DIAPH2: variants seen among roughly 807,000 people sequenced by gnomAD.
DIAPH2 encodes the protein protein diaphanous homolog 2.
Under a neutral mutation model 92.7 loss-of-function variants are expected in DIAPH2, and 35 were observed. The observed-to-expected ratio is 0.38, with a 90% confidence interval of 0.29 to 0.50. The LOEUF (loss-of-function observed/expected upper bound fraction) is 0.50. Ranked by LOEUF, DIAPH2 falls within the 20% of genes least tolerant of loss-of-function variation. The pLI is 0.94. For missense variants in DIAPH2, 701 were observed against 819.5 expected (o/e 0.86, Z 1.77); for synonymous variants, 301 against 280.4 (o/e 1.07, Z -0.73).
intron 4 of DIAPH2, among the ~76,000 whole-genome samples, chrX:96,773,212 G>A (rs2064350334): frequency 9.3e-6 from 1 of 107,596 alleles, no homozygotes; most frequent in Admixed American, 1.0e-4. Context: ...AATGAGAAAA[G>A]CTATGTGTTA....
chrX:96,731,890 G>A (rs1252818468), intron 1 of DIAPH2, among the ~76,000 whole-genome samples: 1 of 111,549 alleles, frequency 9.0e-6, no homozygotes, highest in Admixed American at 9.5e-5. Context: ...ATATTTATTG[G>A]TACAATATGC....
chrX:97,543,972 C>T (rs1301756661), intron 26 of DIAPH2, among the ~76,000 whole-genome samples: 1 of 112,154 alleles, frequency 8.9e-6, no homozygotes, highest in Non-Finnish European at 1.9e-5. Flanking sequence ...ATTTCTCTAT[C>T]GCGCTCAGAT....
rs763576938 is a variant in DIAPH2, at chrX:97,247,804, G to C, written c.2809G>C (p.Glu937Gln). Residue 937 changes from glutamate to glutamine, a missense_variant, in exon 23 of 27, where the codon GAA (glutamate) becomes CAA (glutamine). Physicochemically the swap from Glu to Gln is conservative, Grantham distance 29. Transcript: ENST00000324765. ...TGACATCAAGAAATTCCCCCAAGCA[G>C]AAAATCAACACGATAAGTTTGTGGA... ...ERDIKKFPQA[E>Q]NQHDKFVEKM... The C allele has an allele frequency of 1.2e-5, 15 of 1,207,055 alleles. No homozygotes were observed. Among genetic ancestry groups the C allele is most frequent in the Non-Finnish European group, 1.7e-5 (15 of 893,699 alleles).
At chrX:96,767,724 G>A (rs1435731280) in intron 4 of DIAPH2, among the ~76,000 whole-genome samples, 1 of 111,822 alleles carries the variant, frequency 8.9e-6, no homozygotes, top group Non-Finnish European at 1.9e-5. Flanking sequence ...ATGGTGGGAA[G>A]GATTCAGCTG....
intron 23 of DIAPH2, among the ~76,000 whole-genome samples, chrX:97,284,708 AT>A (rs1320385529): frequency 2.7e-5 from 3 of 110,854 alleles, no homozygotes; most frequent in South Asian, 3.8e-4. Flanking sequence ...CATCAGGCAC[AT>A]TTTTTTCTCT....
chrX:97,250,161 T>C (rs1458519471), intron 23 of DIAPH2, among the ~76,000 whole-genome samples: 1 of 111,612 alleles, frequency 9.0e-6, no homozygotes, highest in Non-Finnish European at 1.9e-5. Context: ...GGATCCTTTG[T>C]ACTAGATGAT....
At chrX:97,352,766 A>G in intron 24 of DIAPH2, among the ~76,000 whole-genome samples, 1 of 101,652 alleles carries the variant, frequency 9.8e-6, no homozygotes, top group African/African-American at 3.5e-5. Flanking sequence ...GCTACTTGGG[A>G]GGCTGAGGCA....
chrX:97,056,732 G>A (rs2066559526), intron 17 of DIAPH2, among the ~76,000 whole-genome samples: 1 of 111,693 alleles, frequency 9.0e-6, no homozygotes, highest in East Asian at 2.8e-4. Flanking sequence ...TTGTAGAGGG[G>A]GCCATTAACT....
At chrX:97,079,364 G>A (rs1362129402) in intron 19 of DIAPH2, among the ~76,000 whole-genome samples, 2 of 111,081 alleles carry the variant, frequency 1.8e-5, no homozygotes, top group Non-Finnish European at 3.8e-5. Flanking sequence ...CAAGCATAAG[G>A]TGTAATAAAG....
chrX:97,037,659 T>G (rs1335629223), intron 17 of DIAPH2, among the ~76,000 whole-genome samples: 1 of 111,772 alleles, frequency 8.9e-6, no homozygotes, highest in African/African-American at 3.2e-5. Context: ...GGTTTCCCTA[T>G]GTCTGCGGTT....
intron 23 of DIAPH2, among the ~76,000 whole-genome samples, chrX:97,297,714 G>C (rs1241308876): frequency 9.3e-6 from 1 of 107,338 alleles, no homozygotes; most frequent in East Asian, 2.9e-4. Context: ...AATTACCACT[G>C]GTGTGACTTT....
intron 5 of DIAPH2, among the ~76,000 whole-genome samples, chrX:96,887,576 T>G (rs1281829116): frequency 8.9e-6 from 1 of 111,874 alleles, no homozygotes; most frequent in East Asian, 2.8e-4. Flanking sequence ...ATAAATATAT[T>G]TGAAAGTGTT....
At chrX:97,141,893 G>T in intron 22 of DIAPH2, 99 bp downstream of exon 22, 1 of 939,385 alleles carries the variant, frequency 1.1e-6, no homozygotes, top group Non-Finnish European at 1.4e-6. Context: ...AGTATTTTTT[G>T]TTTGTTTACT....
intron 26 of DIAPH2, among the ~76,000 whole-genome samples, chrX:97,436,710 A>T (rs1397177319): frequency 9.0e-6 from 1 of 111,527 alleles, no homozygotes. Flanking sequence ...GCTATAAGGG[A>T]TCTATGAAGC....
chrX:97,201,821 A>G (rs934743110), intron 22 of DIAPH2, among the ~76,000 whole-genome samples: 4 of 111,014 alleles, frequency 3.6e-5, no homozygotes, highest in Non-Finnish European at 5.7e-5. Flanking sequence ...AGAGAACACC[A>G]CTAAGATACT....
intron 4 of DIAPH2, among the ~76,000 whole-genome samples, chrX:96,773,758 G>A (rs940611174): frequency 2.7e-5 from 3 of 111,367 alleles, no homozygotes; most frequent in East Asian, 2.8e-4. Context: ...GCTGGGGCAC[G>A]AGAATCACTG....
intron 4 of DIAPH2, among the ~76,000 whole-genome samples, chrX:96,825,126 T>G (rs1027384084): frequency 9.4e-6 from 1 of 106,269 alleles, no homozygotes; most frequent in African/African-American, 3.4e-5. Context: ...TTGTATTTTT[T>G]TTTTTTTTTA....
chrX:97,095,859 G>A (rs996639524), intron 19 of DIAPH2, among the ~76,000 whole-genome samples: 1 of 112,301 alleles, frequency 8.9e-6, no homozygotes, highest in East Asian at 2.8e-4. Flanking sequence ...CGTAAAAGAT[G>A]AAGAAAACTC....
At chrX:97,157,626 T>C (rs956218429) in intron 22 of DIAPH2, among the ~76,000 whole-genome samples, 6 of 111,245 alleles carry the variant, frequency 5.4e-5, no homozygotes, top group Admixed American at 4.8e-4. Flanking sequence ...TTCACCACTT[T>C]ACTTTCTTGA....
Sources: allele counts gnomAD v4.1 joint callset (sites outside exome capture counted in the v4.1 genomes callset), GRCh38; gene constraint gnomAD v4.1.1; transcripts MANE v1.5; gene names NCBI Gene and HGNC (gene_info 2026-07-23, HGNC 2026-07-21).